The following DACH1 variants were observed in gnomAD, a reference collection of about 807,000 sequenced individuals.
DACH1 encodes dachshund family transcription factor 1, also known as dachshund homolog 1.
Under a neutral mutation model 54.2 loss-of-function variants are expected in DACH1, and 12 were observed. That is an observed-to-expected ratio of 0.22 (90% CI 0.14 to 0.36). The LOEUF (loss-of-function observed/expected upper bound fraction) is 0.36, where lower values mean the gene tolerates loss of function less well. Ranked by LOEUF, DACH1 falls within the 10% of genes least tolerant of loss-of-function variation. DACH1 has a pLI of 1.00. For missense variants in DACH1, 805 were observed against 929.8 expected (o/e 0.87, Z 1.75); for synonymous variants, 386 against 366.2 (o/e 1.05, Z -0.62).
At chr13:71,739,763 A>G (rs1884304444) in intron 1 of DACH1, among the ~76,000 whole-genome samples, 1 of 152,138 alleles carries the variant, frequency 6.6e-6, no homozygotes, top group Non-Finnish European at 1.5e-5. Context: ...TATTTTCTCT[A>G]TTTTTTATCA....
chr13:71,584,738 T>G (rs1873108633), intron 3 of DACH1, among the ~76,000 whole-genome samples: 1 of 152,062 alleles, frequency 6.6e-6, no homozygotes, highest in Admixed American at 6.6e-5. Context: ...AATTTTAAAT[T>G]TTAGATGAGA....
intron 3 of DACH1, among the ~76,000 whole-genome samples, chr13:71,609,580 C>G (rs750247652): frequency 2.8e-4 from 42 of 151,802 alleles, no homozygotes; most frequent in Non-Finnish European, 4.6e-4. Context: ...GCTCTTGTAG[C>G]CCAGGCGCGA....
intron 1 of DACH1, among the ~76,000 whole-genome samples, chr13:71,728,621 A>G (rs564752789): frequency 6.6e-6 from 1 of 152,190 alleles, no homozygotes; most frequent in East Asian, 1.9e-4. Context: ...AGCATCCCCA[A>G]TTTATAAAAT....
At chr13:71,824,153 G>A (rs1888295404) in intron 1 of DACH1, among the ~76,000 whole-genome samples, 1 of 151,792 alleles carries the variant, frequency 6.6e-6, no homozygotes, top group Non-Finnish European at 1.5e-5. Context: ...GTCACTTGCT[G>A]TCTACAATGA....
At chr13:71,655,598 C>T (rs1021867212) in intron 2 of DACH1, among the ~76,000 whole-genome samples, 22 of 151,796 alleles carry the variant, frequency 1.4e-4, no homozygotes, top group East Asian at 5.8e-4. Flanking sequence ...CTCGAACTCC[C>T]GACCTCAGGT....
intron 1 of DACH1, among the ~76,000 whole-genome samples, chr13:71,696,142 C>G (rs1013453674): frequency 2.0e-5 from 3 of 152,006 alleles, no homozygotes. Context: ...TCATCTTCAC[C>G]CCAAACCTCA....
chr13:71,735,017 TAC>T (rs1218642070), intron 1 of DACH1, among the ~76,000 whole-genome samples: 124 of 150,148 alleles, frequency 8.3e-4, no homozygotes, highest in African/African-American at 3.0e-3. Flanking sequence ...TATTTATATA[TAC>T]ACACACAGGA....
Position 71,759,212 on chromosome 13 carries a change from T to TA in DACH1, c.849-77303dup, listed in dbSNP as rs541567222. Among the ~76,000 whole-genome samples, 894 of 146,910 alleles carry TA rather than the reference T, an allele frequency of 6.1e-3. 5 individuals carry two copies. The highest frequency in any genetic ancestry group is 0.019 in the African/African-American group (765 of 40,334). Reference sequence around the variant, plus strand: ...TCATCTGATTAACTATTTTTGTCCCTAAAAAAAAAAGATAGGCATTTATAG... The same window carrying TA: ...TCATCTGATTAACTATTTTTGTCCCTAAAAAAAAAAAGATAGGCATTTATAG... On this transcript the variant is annotated intron_variant, in intron 1 of 10. Transcript: ENST00000613252.
chr13:71,719,013 T>C (rs1455607888), intron 1 of DACH1, among the ~76,000 whole-genome samples: 1 of 152,160 alleles, frequency 6.6e-6, no homozygotes, highest in Non-Finnish European at 1.5e-5. Flanking sequence ...AATCTTCATG[T>C]CTCTACTGTT....
intron 1 of DACH1, among the ~76,000 whole-genome samples, chr13:71,791,215 G>A (rs912456359): frequency 4.8e-4 from 73 of 152,256 alleles, no homozygotes; most frequent in Middle Eastern, 3.4e-3. Context: ...TGTGCCATGT[G>A]CAACCAGCTG....
intron 1 of DACH1, among the ~76,000 whole-genome samples, chr13:71,770,566 TA>T (rs1321618499): frequency 6.6e-6 from 1 of 151,704 alleles, no homozygotes; most frequent in Non-Finnish European, 1.5e-5. Context: ...GATTAATTTT[TA>T]TGTATGCTCT....
intron 6 of DACH1, among the ~76,000 whole-genome samples, chr13:71,526,792 AG>A (rs1401187792): frequency 1.3e-5 from 2 of 151,472 alleles, no homozygotes. Flanking sequence ...CTGTTATGTA[AG>A]AGCAAGGTGG....
chr13:71,514,648 T>C (rs2138265780), intron 6 of DACH1, among the ~76,000 whole-genome samples: 1 of 151,962 alleles, frequency 6.6e-6, no homozygotes, highest in Non-Finnish European at 1.5e-5. Context: ...CTTTCATAAA[T>C]TGCCACAAAA....
At chr13:71,544,866 A>G (rs1883359074) in intron 6 of DACH1, among the ~76,000 whole-genome samples, 2 of 152,010 alleles carry the variant, frequency 1.3e-5, no homozygotes, top group South Asian at 2.1e-4. Flanking sequence ...CTTTAGGATG[A>G]ATCCAAGTCC....
chr13:71,568,943 A>G (rs1031747539), intron 4 of DACH1, among the ~76,000 whole-genome samples: 1 of 152,190 alleles, frequency 6.6e-6, no homozygotes, highest in South Asian at 2.1e-4. Flanking sequence ...AGGAATTTCA[A>G]TTAGACCTAT....
chr13:71,828,293 G>A (rs1337464904), intron 1 of DACH1, among the ~76,000 whole-genome samples: 2 of 151,960 alleles, frequency 1.3e-5, no homozygotes, highest in East Asian at 3.9e-4. Flanking sequence ...GTTAAGCTGC[G>A]TTACAGGGTA....
intron 3 of DACH1, among the ~76,000 whole-genome samples, chr13:71,611,856 T>C (rs899396539): frequency 6.6e-6 from 1 of 152,112 alleles, no homozygotes; most frequent in Non-Finnish European, 1.5e-5. Flanking sequence ...ATTCATAAAA[T>C]TCCCAAGATG....
chr13:71,602,764 C>T (rs927036453), intron 3 of DACH1, among the ~76,000 whole-genome samples: 1 of 152,034 alleles, frequency 6.6e-6, no homozygotes, highest in Admixed American at 6.6e-5. Context: ...CAGTACTCAC[C>T]ATGTGCATGC....
chr13:71,603,881 T>C (rs1169419945), intron 3 of DACH1, among the ~76,000 whole-genome samples: 2 of 151,930 alleles, frequency 1.3e-5, no homozygotes, highest in Non-Finnish European at 2.9e-5. Flanking sequence ...GTTTCTTTAT[T>C]ACAAAGGAGA....
Sources: gnomAD v4.1 joint callset for allele counts (sites outside exome capture counted in the v4.1 genomes callset) on GRCh38, gnomAD v4.1.1 for gene constraint, MANE v1.5 for transcripts, NCBI Gene and HGNC (gene_info 2026-07-23, HGNC 2026-07-21) for gene names.